Variants in MDGA2 observed in about 807,000 individuals in gnomAD.
MDGA2 encodes MAM domain containing glycosylphosphatidylinositol anchor 2, also known as MAM domain-containing glycosylphosphatidylinositol anchor protein 2.
A neutral mutation model predicts 117.8 loss-of-function variants in MDGA2; 40 were observed. The ratio of observed to expected loss-of-function variants is 0.34; its 90% CI spans 0.26 to 0.44. The LOEUF (loss-of-function observed/expected upper bound fraction) is 0.44. Ranked by LOEUF, MDGA2 falls within the 20% of genes least tolerant of loss-of-function variation. The pLI is 1.00. For missense variants in MDGA2, 1,123 were observed against 1,250.6 expected (o/e 0.90, Z 1.54); for synonymous variants, 452 against 439.0 (o/e 1.03, Z -0.37).
At chr14:47,498,445 C>A (rs1238705596) in intron 1 of MDGA2, among the ~76,000 whole-genome samples, 1 of 152,086 alleles carries the variant, frequency 6.6e-6, no homozygotes, top group East Asian at 1.9e-4. Context: ...CATAGAAGAT[C>A]TTGATTTTTG....
chr14:47,237,622 G>A (rs527293373), intron 2 of MDGA2, among the ~76,000 whole-genome samples: 4 of 152,194 alleles, frequency 2.6e-5, no homozygotes, highest in South Asian at 4.1e-4. Context: ...AGTGGATGTC[G>A]AAGTGTACTG....
chr14:47,215,137 AC>A (rs1249890173), intron 3 of MDGA2, among the ~76,000 whole-genome samples: 3 of 152,056 alleles, frequency 2.0e-5, no homozygotes, highest in Non-Finnish European at 4.4e-5. Context: ...AGAAACAGAA[AC>A]CTACAATGCA....
At chr14:47,116,574 T>C (rs1881342366) in intron 5 of MDGA2, among the ~76,000 whole-genome samples, 1 of 151,678 alleles carries the variant, frequency 6.6e-6, no homozygotes, top group Non-Finnish European at 1.5e-5. Flanking sequence ...AATAGACAAA[T>C]GGAACAGAAT....
intron 1 of MDGA2, among the ~76,000 whole-genome samples, chr14:47,605,257 C>T (rs1259690122): frequency 1.3e-5 from 2 of 152,124 alleles, no homozygotes; most frequent in Non-Finnish European, 2.9e-5. Flanking sequence ...TTCAACGAGA[C>T]AGATGAAGGC....
intron 1 of MDGA2, among the ~76,000 whole-genome samples, chr14:47,517,543 AT>A (rs1894779590): frequency 6.6e-6 from 1 of 152,226 alleles, no homozygotes; most frequent in South Asian, 2.1e-4. Flanking sequence ...ATGTAAATTT[AT>A]ATTAAATGCA....
At chr14:47,100,426 C>T (rs1254399794) in intron 5 of MDGA2, among the ~76,000 whole-genome samples, 1 of 152,028 alleles carries the variant, frequency 6.6e-6, no homozygotes, top group Non-Finnish European at 1.5e-5. Context: ...ACGTCTACAG[C>T]ATGTGTTAAT....
chr14:47,068,576 A>G (rs755517621), intron 6 of MDGA2, among the ~76,000 whole-genome samples: 9 of 151,888 alleles, frequency 5.9e-5, no homozygotes, highest in Non-Finnish European at 1.0e-4. Context: ...CTGGCCCTAT[A>G]ATGTTAAAAA....
intron 4 of MDGA2, among the ~76,000 whole-genome samples, chr14:47,142,374 C>A (rs1882757591): frequency 1.3e-5 from 2 of 152,064 alleles, no homozygotes; most frequent in South Asian, 2.1e-4. Flanking sequence ...AACCCTGAGG[C>A]AGAAGTTGCA....
At chr14:46,959,841 A>C (rs180820369) in intron 8 of MDGA2, among the ~76,000 whole-genome samples, 68 of 152,336 alleles carry the variant, frequency 4.5e-4, no homozygotes, top group Non-Finnish European at 7.5e-4. Context: ...ACTGAAGAAC[A>C]CAATAATCTA....
At chr14:47,462,348 C>G (rs1418638666) in intron 1 of MDGA2, among the ~76,000 whole-genome samples, 1 of 140,308 alleles carries the variant, frequency 7.1e-6, no homozygotes, top group African/African-American at 2.6e-5. Flanking sequence ...TGCACTCCAG[C>G]CTGGGCGACA....
intron 2 of MDGA2, among the ~76,000 whole-genome samples, chr14:47,281,426 T>C (rs1396503463): frequency 6.6e-6 from 1 of 152,224 alleles, no homozygotes; most frequent in African/African-American, 2.4e-5. Flanking sequence ...TAATTCATTC[T>C]AGAGGCTTAA....
rs140822564 is a variant in MDGA2 at position 46,984,878 on chromosome 14, T to C, written c.1820-27235A>G. Among the ~76,000 whole-genome samples, 792 of 152,236 alleles carry C rather than the reference T, an allele frequency of 5.2e-3. 12 individuals are homozygous for C. Among genetic ancestry groups the C allele is most frequent in the African/African-American group, 0.018 (756 of 41,570 alleles). ...TGGCAAAACTTAAGCTTGGACCTAATAACAGTCATTCTAAATTATACTTAA... is the reference window on the plus strand; with the variant it reads ...TGGCAAAACTTAAGCTTGGACCTAACAACAGTCATTCTAAATTATACTTAA... On this transcript the variant is annotated intron_variant, in intron 8 of 16. Coordinates refer to ENST00000399232, the MANE Select transcript of MDGA2 (RefSeq NM_001113498.3).
intron 1 of MDGA2, among the ~76,000 whole-genome samples, chr14:47,562,443 C>A (rs2138802948): frequency 6.6e-6 from 1 of 152,238 alleles, no homozygotes; most frequent in African/African-American, 2.4e-5. Context: ...TCCAGGGATT[C>A]TATTTCTTCC....
rs146120333 is a variant in MDGA2 at position 46,939,038 on chromosome 14, A to G, written c.2089+18336T>C. ...AGGAAGTTGAACATTTCATGATCTC[A>G]TGCATTTATGGAAGCTAAAAAGGTT... On this transcript the variant is annotated intron_variant, in intron 9 of 16. Transcript: ENST00000399232. 4.2e-3 allele frequency among the ~76,000 whole-genome samples: 637 copies of G among 152,298 alleles called. 2 individuals are homozygous for G. Among genetic ancestry groups the G allele is most frequent in the African/African-American group, 0.014 (597 of 41,570 alleles).
chr14:47,295,250 G>C (rs1364022284), intron 2 of MDGA2, among the ~76,000 whole-genome samples: 1 of 152,058 alleles, frequency 6.6e-6, no homozygotes, highest in African/African-American at 2.4e-5. Context: ...GAACGGAGAA[G>C]GTCAGTATCT....
intron 1 of MDGA2, among the ~76,000 whole-genome samples, chr14:47,396,749 G>A (rs1654896411): frequency 6.6e-6 from 1 of 152,128 alleles, no homozygotes; most frequent in Non-Finnish European, 1.5e-5. Flanking sequence ...CATCATCACT[G>A]GTCATTAGAA....
Position 47,636,784 on chromosome 14 carries a change from CAAAAAAAAAAAA to C in MDGA2, c.280+37721_280+37732del, listed in dbSNP as rs56313968. ...TGGGCGACAGAGCGAGACTCCGTCTCAAAAAAAAAAAAAAAAAAAAAAAAAAAAAATACAAAA... is the reference window on the plus strand; with the variant it reads ...TGGGCGACAGAGCGAGACTCCGTCTCAAAAAAAAAAAAAAAAAATACAAAA... On this transcript the variant is annotated intron_variant, in intron 1 of 16. Coordinates refer to ENST00000399232, the MANE Select transcript of MDGA2 (RefSeq NM_001113498.3). Among the ~76,000 whole-genome samples, 216 of 46,000 alleles carry C rather than the reference CAAAAAAAAAAAA, an allele frequency of 4.7e-3. 1 individual carries two copies. Among genetic ancestry groups the C allele is most frequent in the African/African-American group, 0.02 (194 of 9,932 alleles). The allele number at this position is 46,000 out of a possible 152,430, so 30.2% of individuals were successfully genotyped here.
intron 9 of MDGA2, among the ~76,000 whole-genome samples, chr14:46,932,510 G>C (rs1175259604): frequency 6.6e-6 from 1 of 151,884 alleles, no homozygotes; most frequent in Non-Finnish European, 1.5e-5. Flanking sequence ...TTAAATATAG[G>C]ATGAACATAA....
intron 3 of MDGA2, among the ~76,000 whole-genome samples, chr14:47,216,764 T>C (rs1049054195): frequency 6.6e-6 from 1 of 152,102 alleles, no homozygotes; most frequent in Non-Finnish European, 1.5e-5. Flanking sequence ...AAATTGTATA[T>C]GAACAAAAAT....
Sources: gnomAD v4.1 joint callset for allele counts (sites outside exome capture counted in the v4.1 genomes callset) on GRCh38, gnomAD v4.1.1 for gene constraint, MANE v1.5 for transcripts, NCBI Gene and HGNC (gene_info 2026-07-23, HGNC 2026-07-21) for gene names.